The following RNF111 variants were observed in gnomAD, a reference collection of about 807,000 sequenced individuals.
The protein encoded by RNF111 is ring finger protein 111.
In RNF111, 17 loss-of-function variants were observed where a neutral mutation model predicts 95.1. The observed-to-expected ratio is 0.18, with a 90% CI of 0.12 to 0.27. The LOEUF (loss-of-function observed/expected upper bound fraction) is 0.27. Ranked by LOEUF, RNF111 falls within the 10% of genes least tolerant of loss-of-function variation. The pLI, the probability that RNF111 is intolerant of heterozygous loss-of-function variation, is 1.00. For missense variants in RNF111, 1,189 were observed against 1,210.4 expected, an observed-to-expected ratio of 0.98 and a Z score of 0.26; for synonymous variants, 440 against 414.8, an observed-to-expected ratio of 1.06 and a Z score of -0.74.
At chr15:59,056,753 C>T (rs1305272289) in intron 4 of RNF111, among the ~76,000 whole-genome samples, 4 of 152,078 alleles carry the variant, frequency 2.6e-5, no homozygotes, top group African/African-American at 9.7e-5. Flanking sequence ...TGTTTTGAAG[C>T]ACTGTAAATG....
intron 3 of RNF111, among the ~76,000 whole-genome samples, chr15:59,054,874 C>T (rs1304725400): frequency 2.0e-5 from 3 of 152,026 alleles, no homozygotes; most frequent in African/African-American, 7.2e-5. Flanking sequence ...AGGAGAAAGC[C>T]CTTGTGTTTT....
rs141019186 is a variant in RNF111 at position 59,094,182 on chromosome 15, G to A, written c.2844-601G>A. Among the ~76,000 whole-genome samples the A allele has an allele frequency of 2.7e-3, 407 of 152,182 alleles. 2 individuals carry two copies. The highest frequency in any genetic ancestry group is 3.4e-3 in the Non-Finnish European group (231 of 67,994). On this transcript the variant is annotated intron_variant, in intron 13 of 13. Coordinates refer to ENST00000348370, the MANE Select transcript of RNF111 (RefSeq NM_017610.8). ...GTTAAACAGTAGCACAATATTAAGT[G>A]TATATAACAATTATTCCGTGAAAAA...
At chr15:59,042,595 G>A (rs1334582853) in intron 2 of RNF111, among the ~76,000 whole-genome samples, 3 of 152,064 alleles carry the variant, frequency 2.0e-5, no homozygotes, top group African/African-American at 7.2e-5. Flanking sequence ...AGATCCATTT[G>A]GTGTTTATCC....
At chr15:59,071,296 C>CT (rs1339943391) in intron 6 of RNF111, among the ~76,000 whole-genome samples, 31 of 64,152 alleles carry the variant, frequency 4.8e-4, no homozygotes, top group African/African-American at 1.5e-3. Context: ...GAGACTCCAT[C>CT]TCAAAAAAAA....
At chr15:59,062,051 CTTTTTTT>C (rs71119429) in intron 5 of RNF111, among the ~76,000 whole-genome samples, 38 of 122,258 alleles carry the variant, frequency 3.1e-4, no homozygotes, top group South Asian at 5.4e-4. Flanking sequence ...TTTTAAACTT[CTTTTTTT>C]TTTTTTTTTT....
At chr15:59,091,755 G>A (rs144358000) in intron 12 of RNF111, among the ~76,000 whole-genome samples, 148 of 152,258 alleles carry the variant, frequency 9.7e-4, no homozygotes, top group Non-Finnish European at 3.5e-4. Flanking sequence ...AGTTTTCATG[G>A]AAGACAATTT....
rs150961347 is a variant in RNF111, at chr15:59,097,083, A to G, written c.*2183A>G. The stretch of plus-strand genomic sequence containing the variant: ...TGAATTGTTAATATAGGAGCTTATT[A>G]AGCTACTGCCATTAGTTATCGAAAA... On this transcript the variant is annotated 3_prime_UTR_variant, in exon 14 of 14. Transcript: ENST00000348370. 1 of 152,380 alleles carries G rather than the reference A, an allele frequency of 6.6e-6. No individual in the cohort carries two copies. The highest frequency in any genetic ancestry group is 1.9e-4 in the East Asian group (1 of 5,196). The allele number at this position is 152,380 out of a possible 1,614,324, so 9.4% of individuals were successfully genotyped here.
In RNF111 at chr15:59,060,376, C is replaced by T. The variant is rs143250981; in HGVS notation, c.1366+1826C>T. Among the ~76,000 whole-genome samples, 588 of 151,472 alleles carry T rather than the reference C, an allele frequency of 3.9e-3. 6 individuals are homozygous for T. The highest frequency in any genetic ancestry group is 0.029 in the South Asian group (140 of 4,792). On this transcript the variant is annotated intron_variant, in intron 5 of 13. Coordinates refer to ENST00000348370, the MANE Select transcript of RNF111 (RefSeq NM_017610.8). Reference sequence around the variant, plus strand: ...TCCCAGCTCTTTGGGAGGCCAGGGACGCAGATCACTCGAGGCCAGGAGTTC... The same window carrying T: ...TCCCAGCTCTTTGGGAGGCCAGGGATGCAGATCACTCGAGGCCAGGAGTTC...
intron 2 of RNF111, among the ~76,000 whole-genome samples, chr15:59,050,558 G>A (rs1024169399): frequency 5.9e-5 from 9 of 152,310 alleles, no homozygotes; most frequent in East Asian, 3.9e-4. Flanking sequence ...CGTAAAATAC[G>A]TGTAATATTT....
intron 1 of RNF111, among the ~76,000 whole-genome samples, chr15:58,990,875 A>G (rs1266328949): frequency 6.6e-6 from 1 of 152,020 alleles, no homozygotes; most frequent in Non-Finnish European, 1.5e-5. Flanking sequence ...TTACATTTGA[A>G]TGTCTTATAC....
intron 2 of RNF111, among the ~76,000 whole-genome samples, chr15:59,034,101 T>C (rs1169715313): frequency 6.6e-6 from 1 of 152,184 alleles, no homozygotes; most frequent in Non-Finnish European, 1.5e-5. Flanking sequence ...CTTCAGAAAA[T>C]GTGAAGGGCT....
intron 1 of RNF111, among the ~76,000 whole-genome samples, chr15:59,009,383 A>G (rs1331573113): frequency 6.6e-6 from 1 of 152,082 alleles, no homozygotes; most frequent in Non-Finnish European, 1.5e-5. Context: ...AGATGCTAGT[A>G]GAACCCACTT....
intron 13 of RNF111, 52 bp from the exon 14 acceptor site, chr15:59,094,731 G>A (rs923245421): frequency 4.7e-5 from 46 of 980,806 alleles, no homozygotes; most frequent in South Asian, 9.0e-5. Flanking sequence ...TGTTAACTAC[G>A]TACAATTATC....
At chr15:59,058,138 G>A (rs140072751) in intron 4 of RNF111, among the ~76,000 whole-genome samples, 212 of 152,276 alleles carry the variant, frequency 1.4e-3, no homozygotes, top group African/African-American at 4.4e-3. Flanking sequence ...TAAGCATATC[G>A]GTGTTGGATT....
At chr15:59,077,048 G>A (rs936424449) in intron 7 of RNF111, among the ~76,000 whole-genome samples, 2 of 152,188 alleles carry the variant, frequency 1.3e-5, no homozygotes, top group Admixed American at 6.5e-5. Flanking sequence ...AGTGAAACTG[G>A]TGATATATTA....
intron 1 of RNF111, among the ~76,000 whole-genome samples, chr15:59,014,781 G>A (rs1461368170): frequency 2.7e-5 from 4 of 149,786 alleles, no homozygotes; most frequent in African/African-American, 9.9e-5. Flanking sequence ...TTTTGAGACA[G>A]GGTCTTCCTC....
chr15:59,040,409 G>A (rs1194040287), intron 2 of RNF111, among the ~76,000 whole-genome samples: 1 of 152,106 alleles, frequency 6.6e-6, no homozygotes, highest in Non-Finnish European at 1.5e-5. Flanking sequence ...AATTACAGGT[G>A]TGATGTGAAC....
chr15:59,074,616 T>A (rs2043088725), intron 6 of RNF111, among the ~76,000 whole-genome samples: 1 of 152,222 alleles, frequency 6.6e-6, no homozygotes. Flanking sequence ...AGGCTTTGGC[T>A]TAAGAGAATA....
chr15:59,073,842 T>G (rs2043051546), intron 6 of RNF111, among the ~76,000 whole-genome samples: 1 of 152,232 alleles, frequency 6.6e-6, no homozygotes, highest in South Asian at 2.1e-4. Context: ...TATAGCCTTA[T>G]GAAATGTATT....
Sources: allele counts gnomAD v4.1 joint callset (sites outside exome capture counted in the v4.1 genomes callset), GRCh38; gene constraint gnomAD v4.1.1; transcripts MANE v1.5; gene names NCBI Gene and HGNC (gene_info 2026-07-23, HGNC 2026-07-21).